Variants in KCND3 observed in about 807,000 individuals in gnomAD.
KCND3 encodes the protein A-type voltage-gated potassium channel KCND3.
A neutral mutation model predicts 51.1 loss-of-function variants in KCND3; 9 were observed. That is an observed-to-expected ratio of 0.18 (90% CI 0.11 to 0.31). The LOEUF (loss-of-function observed/expected upper bound fraction) is 0.31, where lower values mean the gene tolerates loss of function less well. Among genes scored for constraint, KCND3 ranks in the 10% least tolerant of loss-of-function variants. The pLI is 1.00. For synonymous variants in KCND3, 349 were observed against 368.0 expected (o/e 0.95, Z 0.59); for missense variants, 526 against 903.8 (o/e 0.58, Z 5.36).
At chr1:111,788,941 A>G (rs1404775681) in intron 2 of KCND3, among the ~76,000 whole-genome samples, 1 of 152,262 alleles carries the variant, frequency 6.6e-6, no homozygotes, top group Non-Finnish European at 1.5e-5. Context: ...TGAAAACCAC[A>G]GTCTCTGTTG....
chr1:111,940,073 G>GTTTTTTTTGTTTT (rs1672426936), intron 2 of KCND3, among the ~76,000 whole-genome samples: 2 of 85,464 alleles, frequency 2.3e-5, no homozygotes, highest in Non-Finnish European at 4.2e-5. Flanking sequence ...CTTTTTGATG[G>GTTTTTTTTGTTTT]TTTTTTTTTT....
At chr1:111,853,621 C>A (rs1001526124) in intron 2 of KCND3, 1 of 152,208 alleles carries the variant, frequency 6.6e-6, no homozygotes, top group East Asian at 1.9e-4. Flanking sequence ...TTTTCACACA[C>A]GGTCCATGAT....
At position 111,772,217 on chromosome 1, in the gene KCND3, A is replaced by G. The variant is rs544374474; in HGVS notation, c.*3860T>C. 13 of 152,278 alleles carry G rather than the reference A, an allele frequency of 8.5e-5. No individual in the cohort carries two copies. The East Asian group carries it at 2.5e-3, about 29-fold the overall frequency. The allele number at this position is 152,278 out of a possible 1,614,324, so 9.4% of individuals were successfully genotyped here. A position where few individuals can be genotyped will look rare whatever the true frequency, so the allele number is the denominator to read the frequency against. On this transcript the variant is annotated 3_prime_UTR_variant, in exon 8 of 8. Coordinates refer to ENST00000302127, the MANE Select transcript of KCND3 (RefSeq NM_001378969.1). ...GTCATAAGAACCACAAGGAGTATAAAAGGTATGCTTCAAAATGTCACTGTC... is the reference window on the plus strand; with the variant it reads ...GTCATAAGAACCACAAGGAGTATAAGAGGTATGCTTCAAAATGTCACTGTC...
At chr1:111,870,593 AAG>A (rs999375040) in intron 2 of KCND3, among the ~76,000 whole-genome samples, 1 of 152,204 alleles carries the variant, frequency 6.6e-6, no homozygotes, top group Non-Finnish European at 1.5e-5. Flanking sequence ...GTGCCTTGTT[AAG>A]AGAGCTTTGA....
chr1:111,897,721 T>A (rs1230417813), intron 2 of KCND3, among the ~76,000 whole-genome samples: 1 of 152,172 alleles, frequency 6.6e-6, no homozygotes, highest in Non-Finnish European at 1.5e-5. Context: ...GGAGCTTGGG[T>A]GCAGGTGCAG....
chr1:111,945,174 C>T (rs779303107), intron 2 of KCND3, among the ~76,000 whole-genome samples: 22 of 152,222 alleles, frequency 1.4e-4, no homozygotes, highest in Non-Finnish European at 3.1e-4. Context: ...CCAGGGCACC[C>T]CTCCTCCTGC....
chr1:111,941,036 AC>A (rs1222424129), intron 2 of KCND3, among the ~76,000 whole-genome samples: 1 of 152,198 alleles, frequency 6.6e-6, no homozygotes, highest in Non-Finnish European at 1.5e-5. Flanking sequence ...TTCAATAAAT[AC>A]TTCTCAAAGG....
chr1:111,943,449 C>G (rs558427762), intron 2 of KCND3, among the ~76,000 whole-genome samples: 1 of 152,334 alleles, frequency 6.6e-6, no homozygotes, highest in African/African-American at 2.4e-5. Context: ...TCATGGAATA[C>G]TCTCATCTTA....
At chr1:111,883,955 C>G (rs612790) in intron 2 of KCND3, among the ~76,000 whole-genome samples, 117,128 of 152,188 alleles carry the variant, frequency 0.77, 45,275 homozygotes, top group East Asian at 1. Flanking sequence ...GTATGTTCTG[C>G]TTAATGCTGC....
At chr1:111,968,977 T>C (rs1326678555) in intron 2 of KCND3, among the ~76,000 whole-genome samples, 1 of 152,194 alleles carries the variant, frequency 6.6e-6, no homozygotes, top group Admixed American at 6.5e-5. Flanking sequence ...ATAAAAGATA[T>C]TTACATAGTA....
rs1464228963 is a variant in KCND3, at chr1:111,773,407, CCTT to C, written c.*2667_*2669del. ...GTGTGCAACCAGTTCTAATTTACCT[CCTT>C]TTTTTTTTTCTTTTCTTTTTTTTTT... On this transcript the variant is annotated 3_prime_UTR_variant, in exon 8 of 8. Transcript: ENST00000302127. 1 of 122,878 alleles carries C rather than the reference CCTT, an allele frequency of 8.1e-6. No individual in the cohort carries two copies. Among genetic ancestry groups the C allele is most frequent in the Non-Finnish European group, 1.7e-5 (1 of 59,446 alleles). 7.6% of individuals were successfully genotyped at this position (122,878 alleles called of 1,614,324 possible).
intron 2 of KCND3, among the ~76,000 whole-genome samples, chr1:111,837,947 G>C (rs1038834207): frequency 1.3e-5 from 2 of 152,054 alleles, no homozygotes; most frequent in Non-Finnish European, 1.5e-5. Context: ...GGGTGTTTTG[G>C]GGGGAGACCA....
chr1:111,962,282 T>A (rs540148536), intron 2 of KCND3, among the ~76,000 whole-genome samples: 1 of 152,192 alleles, frequency 6.6e-6, no homozygotes, highest in East Asian at 1.9e-4. Flanking sequence ...TTGGAACACA[T>A]GCTCTTATTA....
chr1:111,780,347 G>T lies in KCND3; in HGVS notation c.1372-33C>A. On this transcript the variant is annotated intron_variant, in intron 4 of 7. Coordinates refer to ENST00000302127, the MANE Select transcript of KCND3 (RefSeq NM_001378969.1). This position sits in a 1 kb window ranked among gnomAD's most constrained non-coding sequence, Gnocchi z 4.2. ...AAAAAGAAGAGAGATTGAGTAAAAA[G>T]CTGGTGGCTCTTCCCCTCTCCAGCT... is the stretch of plus-strand genomic sequence containing the variant. 1 of 1,536,890 alleles carries T rather than the reference G, an allele frequency of 6.5e-7. No individual in the cohort carries two copies. Among genetic ancestry groups the T allele is most frequent in the South Asian group, 1.2e-5 (1 of 83,786 alleles).
At position 111,857,439 on chromosome 1, in the gene KCND3, C is replaced by T. The variant is rs376272158; in HGVS notation, c.1107-70333G>A. The stretch of plus-strand genomic sequence containing the variant: ...GGAGTGAGTGTTGTCCTCCTCCTCT[C>T]CTGGCTGAGCTCCGAAGGCTTCTTT... On this transcript the variant is annotated intron_variant, in intron 2 of 7. Transcript: ENST00000302127. Among the ~76,000 whole-genome samples, 4 of 152,306 alleles carry T rather than the reference C, an allele frequency of 2.6e-5. No homozygotes were observed. In the East Asian group the frequency reaches 5.8e-4, roughly 22 times the overall value.
rs546576286 is a variant in KCND3 at position 111,838,729 on chromosome 1, G to A, written c.1107-51623C>T. 1.1e-4 allele frequency among the ~76,000 whole-genome samples: 16 copies of A among 152,286 alleles called. No individual in the cohort carries two copies. The East Asian group carries it at 3.1e-3, about 29-fold the overall frequency. On this transcript the variant is annotated intron_variant, in intron 2 of 7. Transcript: ENST00000302127. ...ATCAACAAAAGCACACACAACAGAT[G>A]AGGCCAAAGACAGAGACCTCTTCAC...
At position 111,893,925 on chromosome 1, in the gene KCND3, A is replaced by G. The variant is rs746990460; in HGVS notation, c.1106+87696T>C. Among the ~76,000 whole-genome samples, 21 of 152,150 alleles carry G rather than the reference A, an allele frequency of 1.4e-4. 1 individual carries two copies. Among genetic ancestry groups the G allele is most frequent in the Admixed American group, 2.6e-4 (4 of 15,278 alleles). ...GAGGGAGAGGGGAGGACAGAAGAGAAGAAGGTCCATGCCCCCATCACTCAG... is the reference window on the plus strand; with the variant it reads ...GAGGGAGAGGGGAGGACAGAAGAGAGGAAGGTCCATGCCCCCATCACTCAG... On this transcript the variant is annotated intron_variant, in intron 2 of 7. Coordinates refer to ENST00000302127, the MANE Select transcript of KCND3 (RefSeq NM_001378969.1).
chr1:111,951,925 C>A (rs1436480121), intron 2 of KCND3, among the ~76,000 whole-genome samples: 1 of 152,184 alleles, frequency 6.6e-6, no homozygotes, highest in Admixed American at 6.5e-5. Flanking sequence ...GCAGTCCCTA[C>A]AGAAAGACAG....
chr1:111,911,793 G>C (rs1670959803), intron 2 of KCND3, among the ~76,000 whole-genome samples: 1 of 152,166 alleles, frequency 6.6e-6, no homozygotes, highest in Admixed American at 6.5e-5. Context: ...CAAAATATAT[G>C]AAACAAATAT....
Sources: gnomAD v4.1 joint callset for allele counts (sites outside exome capture counted in the v4.1 genomes callset) on GRCh38, gnomAD v4.1.1 for gene constraint, Gnocchi (gnomAD v3.1) non-coding constraint, MANE v1.5 for transcripts, NCBI Gene and HGNC (gene_info 2026-07-23, HGNC 2026-07-21) for gene names.